The following PDZRN3 variants were observed in gnomAD, a reference collection of about 807,000 sequenced individuals.
The protein encoded by PDZRN3 is E3 ubiquitin-protein ligase PDZRN3.
In PDZRN3, 38 loss-of-function variants were observed where a neutral mutation model predicts 85.7. The observed-to-expected ratio is 0.44, with a 90% CI of 0.34 to 0.58. The LOEUF is 0.58. Among genes scored for constraint, PDZRN3 ranks in the 20% least tolerant of loss-of-function variants. The pLI is 0.01. For missense variants in PDZRN3, 1,629 were observed against 1,506.4 expected (o/e 1.08, Z -1.35); for synonymous variants, 759 against 638.0 (o/e 1.19, Z -2.86).
At chr3:73,431,513 C>T (rs1702430726) in intron 3 of PDZRN3, among the ~76,000 whole-genome samples, 1 of 152,216 alleles carries the variant, frequency 6.6e-6, no homozygotes, top group South Asian at 2.1e-4. Context: ...CTTAATTTCT[C>T]TGCCCTAATA....
chr3:73,595,997 C>T (rs1191531374), intron 3 of PDZRN3, among the ~76,000 whole-genome samples: 1 of 152,080 alleles, frequency 6.6e-6, no homozygotes, highest in East Asian at 1.9e-4. Context: ...CTATTCTCCA[C>T]TAAATGAAGC....
Position 73,384,783 on chromosome 3 carries a change from C to T in PDZRN3, c.1783G>A (p.Ala595Thr), listed in dbSNP as rs1224723802. The part of the protein sequence containing the change: ...EQENNGDDAT[A>T]SSNPLAGQRK... The stretch of plus-strand genomic sequence containing the variant: ...TGCCCCGCCAGCGGGTTGGAGGATG[C>T]GGTGGCGTCGTCGCCATTGTTCTCT... The change falls in exon 10 of 10, where the codon GCA becomes ACA. Residue 595 changes from alanine to threonine, a missense_variant. Coordinates refer to ENST00000263666, the MANE Select transcript of PDZRN3 (RefSeq NM_015009.3). The T allele has an allele frequency of 3.1e-6, 5 of 1,613,830 alleles. No homozygotes were observed. Among genetic ancestry groups the T allele is most frequent in the Non-Finnish European group, 4.2e-6 (5 of 1,180,044 alleles).
intron 3 of PDZRN3, among the ~76,000 whole-genome samples, chr3:73,532,532 A>T (rs1460137496): frequency 6.6e-6 from 1 of 152,192 alleles, no homozygotes; most frequent in Admixed American, 6.5e-5. Flanking sequence ...TCCTCATTAC[A>T]CACTCACTGT....
Position 73,439,249 on chromosome 3 carries a change from C to A in PDZRN3, c.919-34854G>T, listed in dbSNP as rs907625503. 7.2e-5 allele frequency among the ~76,000 whole-genome samples: 11 copies of A among 152,184 alleles called. No homozygotes were observed. In the East Asian group the frequency reaches 2.1e-3, roughly 29 times the overall value. ...ATCAGATACATACTGAGGGCCTGCT[C>A]AGCACCAGTCACTTTTCTGGGCTTT... On this transcript the variant is annotated intron_variant, in intron 3 of 9. Transcript: ENST00000263666.
chr3:73,390,006 C>A, intron 6 of PDZRN3, 128 bp from the exon 7 acceptor site: 1 of 742,502 alleles, frequency 1.3e-6, no homozygotes, highest in South Asian at 1.5e-5. Context: ...CAGAAATAAA[C>A]AAGACTTAGT....
chr3:73,404,085 G>T (rs1406430702), intron 4 of PDZRN3, 63 bp downstream of exon 4: 3 of 1,516,328 alleles, frequency 2.0e-6, no homozygotes, highest in Non-Finnish European at 2.7e-6. Flanking sequence ...CCACATAGAA[G>T]AGAAAGAAAC....
intron 3 of PDZRN3, among the ~76,000 whole-genome samples, chr3:73,530,272 A>G (rs982425314): frequency 1.3e-5 from 2 of 152,220 alleles, no homozygotes; most frequent in Non-Finnish European, 1.5e-5. Context: ...AGCACAGTGT[A>G]GACACTTTTT....
At chr3:73,394,501 G>A (rs1034925387) in intron 5 of PDZRN3, among the ~76,000 whole-genome samples, 1 of 152,170 alleles carries the variant, frequency 6.6e-6, no homozygotes, top group African/African-American at 2.4e-5. Context: ...TCCAGGAGCA[G>A]TTTTCTATCT....
chr3:73,545,668 A>C (rs1208108068), intron 3 of PDZRN3, among the ~76,000 whole-genome samples: 1 of 152,254 alleles, frequency 6.6e-6, no homozygotes, highest in African/African-American at 2.4e-5. Flanking sequence ...CAGAAGTTCC[A>C]GTTTTGAGAC....
chr3:73,445,425 G>C (rs1026351277), intron 3 of PDZRN3, among the ~76,000 whole-genome samples: 2 of 152,076 alleles, frequency 1.3e-5, no homozygotes, highest in African/African-American at 4.8e-5. Context: ...ACAAGTAGTT[G>C]CAAGAAAGAC....
chr3:73,391,089 G>T lies in PDZRN3; in HGVS notation c.1282C>A (p.Gln428Lys), dbSNP rs1359953594. Residue 428 changes from glutamine (Q) to lysine (K), a missense_variant, in exon 6 of 10, where the codon CAG becomes AAG. Gln to Lys is a moderately conservative substitution (Grantham distance 53, BLOSUM62 1). Transcript: ENST00000263666. ...CACACAGTGAGGCCCAGCTTGTCCT[G>T]GCTGTTCATTCTGTAGAGGTCCACT... is the stretch of plus-strand genomic sequence containing the variant. The part of the protein sequence containing the change: ...EEVDLYRMNS[Q>K]DKLGLTVCYR... The T allele has an allele frequency of 6.2e-7, 1 of 1,613,518 alleles. No homozygotes were observed. The highest frequency in any genetic ancestry group is 1.7e-5 in the Admixed American group (1 of 60,016).
At chr3:73,456,330 A>G (rs1222786982) in intron 3 of PDZRN3, among the ~76,000 whole-genome samples, 1 of 152,186 alleles carries the variant, frequency 6.6e-6, no homozygotes, top group African/African-American at 2.4e-5. Context: ...TCTGACCCTG[A>G]TATCACAGGA....
In PDZRN3 at chr3:73,404,179, G is replaced by A; in HGVS notation, c.1135C>T (p.Pro379Ser). 1 of 1,613,886 alleles carries A rather than the reference G, an allele frequency of 6.2e-7. No homozygotes were observed. The highest frequency in any genetic ancestry group is 2.2e-5 in the East Asian group (1 of 44,882). The change falls in exon 4 of 10, where the codon CCC becomes TCC. Residue 379 changes from proline (P) to serine (S), a missense_variant. Coordinates refer to ENST00000263666, the MANE Select transcript of PDZRN3 (RefSeq NM_015009.3). The part of the protein sequence containing the change: ...ALTKMSSPSP[P>S]VLDPYLLPEE... ...GGCAAGAGATAGGGATCCAGCACGGGTGGGCTGGGAGAGGACATCTTAGTG... is the reference window on the plus strand; with the variant it reads ...GGCAAGAGATAGGGATCCAGCACGGATGGGCTGGGAGAGGACATCTTAGTG...
At chr3:73,612,520 A>G (rs904704713) in intron 1 of PDZRN3, among the ~76,000 whole-genome samples, 1 of 152,240 alleles carries the variant, frequency 6.6e-6, no homozygotes, top group African/African-American at 2.4e-5. Flanking sequence ...TAATAAGACT[A>G]TTATGCCATG....
chr3:73,415,207 T>A (rs904510214), intron 3 of PDZRN3, among the ~76,000 whole-genome samples: 7 of 151,524 alleles, frequency 4.6e-5, no homozygotes, highest in African/African-American at 1.7e-4. Flanking sequence ...GAGAGGGAGG[T>A]CCCCTGAGGA....
intron 4 of PDZRN3, 136 bp from the exon 5 acceptor site, chr3:73,401,145 G>T: frequency 1.5e-6 from 1 of 667,284 alleles, no homozygotes. Flanking sequence ...CCCTCTGGAT[G>T]GGGCTCTCAG....
intron 3 of PDZRN3, among the ~76,000 whole-genome samples, chr3:73,490,652 A>T (rs1459120716): frequency 6.6e-6 from 1 of 152,238 alleles, no homozygotes; most frequent in Non-Finnish European, 1.5e-5. Context: ...TTACTGCTGA[A>T]TCAGCACAAA....
chr3:73,452,842 T>TGTGTGTGTGTGTGTGTGA (rs1244660054), intron 3 of PDZRN3, among the ~76,000 whole-genome samples: 7 of 107,202 alleles, frequency 6.5e-5, no homozygotes, highest in Non-Finnish European at 1.2e-4. Flanking sequence ...CATATATCTG[T>TGTGTGTGTGTGTGTGTGA]GTGTGTGTGT....
In PDZRN3 at chr3:73,383,411, T is replaced by G. The variant is rs1470232070; in HGVS notation, c.3155A>C (p.Asp1052Ala). ...GAAGGAATTGTATACTCTAGTGCCG[T>G]CCGGGGATTTTGTGCCGTGGGTTAA... ...ELLTHGTKSP[D>A]GTRVYNSFLS... is the part of the protein sequence containing the mutation. The change falls in exon 10 of 10, where the codon GAC (aspartate) becomes GCC (alanine). Residue 1052 changes from aspartate to alanine, a missense_variant. By Grantham distance (126) the Asp-to-Ala change is moderately radical (BLOSUM62 -2). Transcript: ENST00000263666. 6.2e-7 allele frequency: 1 copy of G among 1,614,030 alleles called. No individual in the cohort carries two copies. Among genetic ancestry groups the G allele is most frequent in the East Asian group, 2.2e-5 (1 of 44,884 alleles).
Sources: allele counts gnomAD v4.1 joint callset (sites outside exome capture counted in the v4.1 genomes callset), GRCh38; gene constraint gnomAD v4.1.1; transcripts MANE v1.5; gene names NCBI Gene and HGNC (gene_info 2026-07-23, HGNC 2026-07-21).